The following KCNMA1 variants were observed in gnomAD, a reference collection of about 807,000 sequenced individuals.
The protein encoded by KCNMA1 is Calcium-activated potassium channel subunit alpha-1.
A neutral mutation model predicts 140.0 loss-of-function variants in KCNMA1; 29 were observed. The ratio of observed to expected loss-of-function variants is 0.21; its 90% CI spans 0.15 to 0.28. The LOEUF is 0.28. Among genes scored for constraint, KCNMA1 ranks in the 10% least tolerant of loss-of-function variants. The pLI is 1.00. For synonymous variants in KCNMA1, 612 were observed against 611.9 expected, an observed-to-expected ratio of 1.00 and a Z score of 0.00; for missense variants, 880 against 1,602.2, an observed-to-expected ratio of 0.55 and a Z score of 7.70.
chr10:77,241,422 C>G (rs580784), intron 3 of KCNMA1, among the ~76,000 whole-genome samples: 1 of 152,146 alleles, frequency 6.6e-6, no homozygotes. Context: ...GGTGGGAGGA[C>G]TGCTAGAGCA....
At chr10:77,012,367 G>T in intron 17 of KCNMA1, 1 of 1,499,998 alleles carries the variant, frequency 6.7e-7, no homozygotes. Flanking sequence ...GCTACTCGTG[G>T]GGACATGTGG....
At position 77,078,185 on chromosome 10, in the gene KCNMA1, G is replaced by C. The variant is rs891164840; in HGVS notation, c.1593+1296C>G. On this transcript the variant is annotated intron_variant, in intron 13 of 27. Transcript: ENST00000286628. ...TTCATAGGGAATATGGCCCATAAGA[G>C]GGGGTACGCTGTTACTCATAACCCA... is the stretch of plus-strand genomic sequence containing the variant. The C allele has an allele frequency of 4.6e-5, 7 of 152,330 alleles. No homozygotes were observed. In the East Asian group the frequency reaches 1.2e-3, roughly 25 times the overall value. The allele number at this position is 152,330 out of a possible 1,614,324, so 9.4% of individuals were successfully genotyped here.
At chr10:77,199,336 T>G (rs1262590099) in intron 3 of KCNMA1, among the ~76,000 whole-genome samples, 1 of 152,198 alleles carries the variant, frequency 6.6e-6, no homozygotes, top group Non-Finnish European at 1.5e-5. Flanking sequence ...TCTGGAGTAG[T>G]TTTCCATTTA....
intron 9 of KCNMA1, among the ~76,000 whole-genome samples, chr10:77,093,968 AT>A (rs2096871424): frequency 6.6e-6 from 1 of 152,160 alleles, no homozygotes; most frequent in Non-Finnish European, 1.5e-5. Flanking sequence ...CAATGTACCA[AT>A]TTTGCATTTT....
At chr10:77,589,284 G>C (rs1410446363) in intron 1 of KCNMA1, among the ~76,000 whole-genome samples, 1 of 152,136 alleles carries the variant, frequency 6.6e-6, no homozygotes, top group African/African-American at 2.4e-5. Flanking sequence ...ACTGGAGTAG[G>C]ACAAGTACTT....
chr10:76,913,991 A>C, intron 24 of KCNMA1: 1 of 1,200,374 alleles, frequency 8.3e-7, no homozygotes, highest in Non-Finnish European at 1.2e-6. Context: ...CAAGCTGATG[A>C]TAGTTGGAAA....
At chr10:77,165,515 G>T (rs2098630996) in intron 5 of KCNMA1, among the ~76,000 whole-genome samples, 1 of 152,198 alleles carries the variant, frequency 6.6e-6, no homozygotes, top group Non-Finnish European at 1.5e-5. Context: ...TCAGTCAAAA[G>T]ACCGAAGGAA....
At position 77,632,269 on chromosome 10, in the gene KCNMA1, G is replaced by T. The variant is rs1471934677; in HGVS notation, c.378+4996C>A. Reference sequence around the variant, plus strand: ...ACACACTTGGGGAAACCTGGCCTAGGGGGTGTCTTGGAAAAGCTGGTCTGG... The same window carrying T: ...ACACACTTGGGGAAACCTGGCCTAGTGGGTGTCTTGGAAAAGCTGGTCTGG... On this transcript the variant is annotated intron_variant, in intron 1 of 27. Coordinates refer to ENST00000286628, the MANE Select transcript of KCNMA1 (RefSeq NM_001161352.2). Among the ~76,000 whole-genome samples, 7 of 152,158 alleles carry T rather than the reference G, an allele frequency of 4.6e-5. No individual in the cohort carries two copies. The East Asian group carries it at 1.3e-3, about 29-fold the overall frequency.
intron 1 of KCNMA1, among the ~76,000 whole-genome samples, chr10:77,630,546 C>T (rs751072128): frequency 1.3e-5 from 2 of 152,206 alleles, no homozygotes; most frequent in Non-Finnish European, 2.9e-5. Context: ...GTTTTCTCCA[C>T]CCAACGATCT....
chr10:77,425,133 A>G (rs570900230), intron 1 of KCNMA1, among the ~76,000 whole-genome samples: 1 of 151,810 alleles, frequency 6.6e-6, no homozygotes, highest in African/African-American at 2.4e-5. Flanking sequence ...GGATGGATGG[A>G]TGGATGGATG....
chr10:77,361,131 G>A (rs2093913960), intron 2 of KCNMA1, among the ~76,000 whole-genome samples: 1 of 152,204 alleles, frequency 6.6e-6, no homozygotes, highest in East Asian at 1.9e-4. Flanking sequence ...GGACTATAAT[G>A]CTTGTCTTGC....
At position 77,086,631 on chromosome 10, in the gene KCNMA1, G is replaced by C. The variant is rs7075164; in HGVS notation, c.1335-38C>G. 1,741 of 1,469,598 alleles carry C rather than the reference G, an allele frequency of 1.2e-3. 20 individuals carry two copies. The African/African-American group carries it at 0.022, about 19-fold the overall frequency. 91.0% of individuals were successfully genotyped at this position (1,469,598 alleles called of 1,614,324 possible). A position where few individuals can be genotyped will look rare whatever the true frequency, so the allele number is the denominator to read the frequency against. On this transcript the variant is annotated intron_variant, in intron 10 of 27. Coordinates refer to ENST00000286628, the MANE Select transcript of KCNMA1 (RefSeq NM_001161352.2). ...AGAAGAAATCGCTATTAATTTAATG[G>C]ACTCGGGGGTTTCAGCCTCCATGGG...
chr10:77,267,393 T>C (rs534962677), intron 2 of KCNMA1, among the ~76,000 whole-genome samples: 1 of 152,184 alleles, frequency 6.6e-6, no homozygotes, highest in Non-Finnish European at 1.5e-5. Flanking sequence ...CAGAGCTTAG[T>C]CTCAAATCCA....
intron 1 of KCNMA1, chr10:77,636,732 C>G: frequency 6.7e-7 from 1 of 1,497,766 alleles, no homozygotes; most frequent in African/African-American, 1.4e-5. Context: ...CCGGGATTCC[C>G]TTGTGCAAAA....
At chr10:77,379,112 T>G (rs1474016439) in intron 2 of KCNMA1, among the ~76,000 whole-genome samples, 1 of 152,210 alleles carries the variant, frequency 6.6e-6, no homozygotes, top group Non-Finnish European at 1.5e-5. Flanking sequence ...GTATGTTTAA[T>G]GATTTCTGTG....
intron 18 of KCNMA1, among the ~76,000 whole-genome samples, chr10:77,011,549 G>A (rs1258880759): frequency 6.6e-6 from 1 of 152,172 alleles, no homozygotes. Flanking sequence ...CCATTTTGGA[G>A]ACCAAGTCCT....
downstream of KCNMA1, chr10:76,875,034 A>G (rs978352154): frequency 1.3e-5 from 2 of 152,268 alleles, no homozygotes; most frequent in African/African-American, 4.8e-5. Context: ...AGGCAGAAAG[A>G]CAGACTGTTG....
chr10:77,620,568 T>C (rs2091056396), intron 1 of KCNMA1, among the ~76,000 whole-genome samples: 1 of 152,154 alleles, frequency 6.6e-6, no homozygotes, highest in African/African-American at 2.4e-5. Flanking sequence ...TCTTGTATCA[T>C]GTCAGGAGCT....
At chr10:77,586,888 C>T (rs964508784) in intron 1 of KCNMA1, among the ~76,000 whole-genome samples, 1 of 152,210 alleles carries the variant, frequency 6.6e-6, no homozygotes, top group Non-Finnish European at 1.5e-5. Flanking sequence ...TATTGCTGGA[C>T]TCCACTCTCT....
Sources: gnomAD v4.1 joint callset for allele counts (sites outside exome capture counted in the v4.1 genomes callset) on GRCh38, gnomAD v4.1.1 for gene constraint, MANE v1.5 for transcripts, NCBI Gene and HGNC (gene_info 2026-07-23, HGNC 2026-07-21) for gene names.